IGSF21: variants seen among roughly 807,000 people sequenced by gnomAD.
The protein encoded by IGSF21 is immunoglobulin superfamily member 21.
Under a neutral mutation model 46.8 loss-of-function variants are expected in IGSF21, and 28 were observed. That is an observed-to-expected ratio of 0.60 (90% CI 0.44 to 0.82). The LOEUF is 0.82. Among genes scored for constraint, IGSF21 ranks in the 40% least tolerant of loss-of-function variants. The pLI is 0.00. For missense variants in IGSF21, 624 were observed against 665.5 expected (o/e 0.94, Z 0.69); for synonymous variants, 284 against 273.6 (o/e 1.04, Z -0.38).
At chr1:18,137,669 T>G (rs2086379819) in intron 1 of IGSF21, among the ~76,000 whole-genome samples, 1 of 152,164 alleles carries the variant, frequency 6.6e-6, no homozygotes, top group Admixed American at 6.5e-5. Context: ...AGTTCATAAC[T>G]CTAATATATT....
intron 2 of IGSF21, among the ~76,000 whole-genome samples, chr1:18,282,109 C>T (rs2085166475): frequency 6.6e-6 from 1 of 152,090 alleles, no homozygotes; most frequent in Admixed American, 6.5e-5. Flanking sequence ...CACCAAGGGT[C>T]CAGCAGTTGA....
At chr1:18,142,659 C>T (rs1233629521) in intron 1 of IGSF21, among the ~76,000 whole-genome samples, 3 of 152,222 alleles carry the variant, frequency 2.0e-5, no homozygotes, top group Admixed American at 6.5e-5. Flanking sequence ...ACAGCCAATC[C>T]TCGTGGCCTG....
chr1:18,326,471 T>G (rs931998053), intron 3 of IGSF21, among the ~76,000 whole-genome samples: 1 of 152,208 alleles, frequency 6.6e-6, no homozygotes, highest in Non-Finnish European at 1.5e-5. Context: ...GAAGCTTGGT[T>G]TCCATGCAAA....
chr1:18,277,938 G>T (rs1328852180), intron 2 of IGSF21, among the ~76,000 whole-genome samples: 2 of 152,204 alleles, frequency 1.3e-5, no homozygotes, highest in South Asian at 2.1e-4. Context: ...GAAGGGCTCA[G>T]CTTACACTGG....
At chr1:18,309,269 T>C (rs563033478) in intron 3 of IGSF21, among the ~76,000 whole-genome samples, 1 of 152,272 alleles carries the variant, frequency 6.6e-6, no homozygotes, top group East Asian at 1.9e-4. Context: ...GGGGCAATGA[T>C]GCCACTGTTT....
intron 2 of IGSF21, among the ~76,000 whole-genome samples, chr1:18,231,906 C>A (rs866116999): frequency 2.3e-5 from 3 of 130,974 alleles, no homozygotes; most frequent in South Asian, 2.6e-4. Context: ...CATTTGGTAA[C>A]CTGACATCAT....
At chr1:18,153,101 C>A (rs1488054545) in intron 1 of IGSF21, among the ~76,000 whole-genome samples, 1 of 152,188 alleles carries the variant, frequency 6.6e-6, no homozygotes, top group Non-Finnish European at 1.5e-5. Flanking sequence ...CAAGGGCACT[C>A]AGATTCTGCC....
At position 18,166,496 on chromosome 1, in the gene IGSF21, C is replaced by T. The variant is rs142991760; in HGVS notation, c.70+58298C>T. Among the ~76,000 whole-genome samples, 582 of 152,258 alleles carry T rather than the reference C, an allele frequency of 3.8e-3. 2 individuals carry two copies. Among genetic ancestry groups the T allele is most frequent in the African/African-American group, 0.013 (534 of 41,542 alleles). ...AGACGCTGAGTCTCTTTTCTATAAA[C>T]GACGCTAATAATAGCTAGCTGGCAG... On this transcript the variant is annotated intron_variant, in intron 1 of 9. Coordinates refer to ENST00000251296, the MANE Select transcript of IGSF21 (RefSeq NM_032880.5).
intron 2 of IGSF21, among the ~76,000 whole-genome samples, chr1:18,252,412 T>C (rs1406189888): frequency 6.6e-6 from 1 of 152,180 alleles, no homozygotes; most frequent in Non-Finnish European, 1.5e-5. Context: ...CTTTTAGAGA[T>C]GTTCAAGTCT....
At chr1:18,266,795 T>C (rs2084993505) in intron 2 of IGSF21, among the ~76,000 whole-genome samples, 1 of 152,176 alleles carries the variant, frequency 6.6e-6, no homozygotes, top group Admixed American at 6.5e-5. Context: ...CCTTTTGCAA[T>C]TCACTACGTG....
rs146049426 is a variant in IGSF21 at position 18,239,550 on chromosome 1, C to T, written c.183+11540C>T. Among the ~76,000 whole-genome samples the T allele has an allele frequency of 3.5e-3, 537 of 152,314 alleles. 1 individual carries two copies. Among genetic ancestry groups the T allele is most frequent in the Non-Finnish European group, 3.8e-3 (261 of 68,028 alleles). On this transcript the variant is annotated intron_variant, in intron 2 of 9. Transcript: ENST00000251296. Reference sequence around the variant, plus strand: ...TTCTTCTTGATTCAACCTCTGTTGACTGATTTCTTCAGCCTTGCTTCCTAC... The same window carrying T: ...TTCTTCTTGATTCAACCTCTGTTGATTGATTTCTTCAGCCTTGCTTCCTAC...
chr1:18,267,809 C>T (rs981294323), intron 2 of IGSF21, among the ~76,000 whole-genome samples: 1 of 152,228 alleles, frequency 6.6e-6, no homozygotes, highest in Non-Finnish European at 1.5e-5. Flanking sequence ...AGCCTGCAGG[C>T]CAACTCTGGG....
chr1:18,177,294 G>GT (rs1193689363), intron 1 of IGSF21, among the ~76,000 whole-genome samples: 1 of 42,248 alleles, frequency 2.4e-5, no homozygotes, highest in African/African-American at 8.7e-5. Flanking sequence ...AGGGTCCAAG[G>GT]TTTTTCCTTT....
chr1:18,307,146 GT>G (rs910936930), intron 3 of IGSF21, among the ~76,000 whole-genome samples: 14 of 149,340 alleles, frequency 9.4e-5, no homozygotes, highest in South Asian at 4.3e-4. Context: ...GCCATGTCTT[GT>G]TTTTTTTTTC....
intron 1 of IGSF21, among the ~76,000 whole-genome samples, chr1:18,139,289 C>T (rs77936169): frequency 9.7e-4 from 148 of 152,220 alleles, no homozygotes; most frequent in East Asian, 5.8e-3. Context: ...TGGGAAAATG[C>T]GGTCGCTGAA....
intron 1 of IGSF21, among the ~76,000 whole-genome samples, chr1:18,138,546 A>T (rs539825549): frequency 2.6e-5 from 4 of 152,328 alleles, no homozygotes; most frequent in African/African-American, 9.6e-5. Flanking sequence ...CTGGGAAAAG[A>T]AAAGCAACTG....
chr1:18,300,165 C>G (rs2085347600), intron 3 of IGSF21, among the ~76,000 whole-genome samples: 2 of 152,180 alleles, frequency 1.3e-5, no homozygotes, highest in African/African-American at 4.8e-5. Flanking sequence ...TCAGGATCAC[C>G]TTGGAAGTTG....
At chr1:18,185,515 A>T (rs1344139393) in intron 1 of IGSF21, among the ~76,000 whole-genome samples, 2 of 152,212 alleles carry the variant, frequency 1.3e-5, no homozygotes, top group Admixed American at 1.3e-4. Flanking sequence ...TCGGGCATTT[A>T]AGCTGCAGGT....
At chr1:18,311,291 C>T (rs1165387455) in intron 3 of IGSF21, among the ~76,000 whole-genome samples, 2 of 152,162 alleles carry the variant, frequency 1.3e-5, no homozygotes, top group Non-Finnish European at 2.9e-5. Flanking sequence ...AGAAGCAGCA[C>T]CTGCCACCTC....
Sources: gnomAD v4.1 joint callset for allele counts (sites outside exome capture counted in the v4.1 genomes callset) on GRCh38, gnomAD v4.1.1 for gene constraint, MANE v1.5 for transcripts, NCBI Gene and HGNC (gene_info 2026-07-23, HGNC 2026-07-21) for gene names.